The following GRAMD2B variants were observed in gnomAD, a reference collection of about 807,000 sequenced individuals.
GRAMD2B encodes GRAM domain containing 2B.
In GRAMD2B, 41 loss-of-function variants were observed where a neutral mutation model predicts 59.2. That is an observed-to-expected ratio of 0.69 (90% CI 0.54 to 0.90). The LOEUF (loss-of-function observed/expected upper bound fraction) is 0.90, where lower values mean the gene tolerates loss of function less well. Ranked by LOEUF, GRAMD2B falls within the 40% of genes least tolerant of loss-of-function variation. The pLI is 0.00. For synonymous variants in GRAMD2B, 161 were observed against 182.7 expected (o/e 0.88, Z 0.96); for missense variants, 424 against 500.5 (o/e 0.85, Z 1.46).
chr5:126,483,663 G>A, intron 9 of GRAMD2B, 89 bp downstream of exon 9: 11 of 690,112 alleles, frequency 1.6e-5, no homozygotes, highest in South Asian at 1.2e-4. Context: ...GAAAAGAAAA[G>A]AAAGAAAAAA....
At chr5:126,392,972 C>G (rs188511794) in intron 1 of GRAMD2B, among the ~76,000 whole-genome samples, 98 of 152,270 alleles carry the variant, frequency 6.4e-4, no homozygotes, top group African/African-American at 2.3e-3. Flanking sequence ...CAATAAATTT[C>G]TGTTTCATAG....
chr5:126,415,544 G>C (rs1759199191), intron 1 of GRAMD2B, among the ~76,000 whole-genome samples: 1 of 152,142 alleles, frequency 6.6e-6, no homozygotes, highest in Non-Finnish European at 1.5e-5. Flanking sequence ...GGGAAAGAGG[G>C]AGGGCTACAC....
At chr5:126,483,704 G>C in intron 9 of GRAMD2B, 130 bp downstream of exon 9, 1 of 595,174 alleles carries the variant, frequency 1.7e-6, no homozygotes. Flanking sequence ...TAAAAATCAG[G>C]AATGGAATCT....
chr5:126,467,223 C>T (rs927045739), intron 2 of GRAMD2B, among the ~76,000 whole-genome samples: 2 of 151,906 alleles, frequency 1.3e-5, no homozygotes, highest in African/African-American at 2.4e-5. Flanking sequence ...TGCAGTAAGC[C>T]GAGATTGTGC....
At chr5:126,447,693 G>A (rs1764570226) in intron 1 of GRAMD2B, among the ~76,000 whole-genome samples, 1 of 146,454 alleles carries the variant, frequency 6.8e-6, no homozygotes, top group Admixed American at 6.8e-5. Flanking sequence ...AAAAGAAAGA[G>A]ATCAGAAAGC....
At chr5:126,422,989 C>T (rs1011967468), upstream of GRAMD2B, among the ~76,000 whole-genome samples, 2 of 146,838 alleles carry the variant, frequency 1.4e-5, no homozygotes, top group Non-Finnish European at 1.5e-5. Context: ...CTTTGTTATT[C>T]CCACATAAAA....
chr5:126,389,094 GA>G (rs531747959), intron 1 of GRAMD2B, among the ~76,000 whole-genome samples: 242 of 152,240 alleles, frequency 1.6e-3, no homozygotes, highest in African/African-American at 5.6e-3. Context: ...TAGTAGTTAA[GA>G]GCCCCAACTT....
At chr5:126,406,836 G>A (rs934109527) in intron 1 of GRAMD2B, among the ~76,000 whole-genome samples, 2 of 151,960 alleles carry the variant, frequency 1.3e-5, no homozygotes, top group Non-Finnish European at 2.9e-5. Context: ...AAAGCATCTG[G>A]AGAAGTAAGC....
intron 1 of GRAMD2B, among the ~76,000 whole-genome samples, chr5:126,393,682 A>G (rs1757046376): frequency 6.6e-6 from 1 of 152,176 alleles, no homozygotes; most frequent in African/African-American, 2.4e-5. Flanking sequence ...ACCAGCCCCA[A>G]GATAACAATT....
At chr5:126,395,762 CTG>C (rs143281468) in intron 1 of GRAMD2B, among the ~76,000 whole-genome samples, 4 of 151,530 alleles carry the variant, frequency 2.6e-5, no homozygotes, top group Non-Finnish European at 3.0e-5. Context: ...GAGGGAGTGT[CTG>C]TGTGTGTGTG....
At chr5:126,421,891 A>T (rs993870777), upstream of GRAMD2B, among the ~76,000 whole-genome samples, 1 of 152,230 alleles carries the variant, frequency 6.6e-6, no homozygotes, top group African/African-American at 2.4e-5. Flanking sequence ...ACTTTATTTT[A>T]AGAGAAAAAT....
At chr5:126,481,203 A>G (rs868747621) in intron 8 of GRAMD2B, among the ~76,000 whole-genome samples, 36 of 80,106 alleles carry the variant, frequency 4.5e-4, no homozygotes, top group African/African-American at 2.2e-3. Flanking sequence ...AAAAAAAAAA[A>G]AAAGAAAGAA....
At chr5:126,391,483 T>G (rs1580757840) in intron 1 of GRAMD2B, among the ~76,000 whole-genome samples, 1 of 152,062 alleles carries the variant, frequency 6.6e-6, no homozygotes, top group African/African-American at 2.4e-5. Context: ...CAATAACACT[T>G]GTACATGGAT....
chr5:126,477,126 C>T (rs1484693240), intron 5 of GRAMD2B, among the ~76,000 whole-genome samples: 2 of 152,196 alleles, frequency 1.3e-5, no homozygotes, highest in South Asian at 2.1e-4. Context: ...CTCCAATGAG[C>T]ATTTCCTTTG....
At chr5:126,413,649 G>T (rs1759020802) in intron 1 of GRAMD2B, among the ~76,000 whole-genome samples, 1 of 151,992 alleles carries the variant, frequency 6.6e-6, no homozygotes, top group African/African-American at 2.4e-5. Flanking sequence ...GTCCAGAAAT[G>T]TCTTTGTTAG....
chr5:126,437,639 A>C (rs11241892), intron 1 of GRAMD2B, among the ~76,000 whole-genome samples: 102,967 of 152,024 alleles, frequency 0.68, 35,983 homozygotes, highest in African/African-American at 0.86. Flanking sequence ...AAATAAACAG[A>C]ACGGCAGAGA....
At chr5:126,409,435 C>T (rs1296081518) in intron 1 of GRAMD2B, among the ~76,000 whole-genome samples, 1 of 152,102 alleles carries the variant, frequency 6.6e-6, no homozygotes, top group Non-Finnish European at 1.5e-5. Flanking sequence ...TCTCTGATGG[C>T]CAGTGATGGT....
intron 1 of GRAMD2B, among the ~76,000 whole-genome samples, chr5:126,463,787 G>A (rs970610337): frequency 1.2e-4 from 18 of 152,210 alleles, no homozygotes; most frequent in Non-Finnish European, 1.3e-4. Flanking sequence ...GGGAGGCCAA[G>A]GTGGGCAGAT....
chr5:126,414,888 T>G (rs1580854610), intron 1 of GRAMD2B, among the ~76,000 whole-genome samples: 1 of 152,296 alleles, frequency 6.6e-6, no homozygotes, highest in East Asian at 1.9e-4. Context: ...ATGAAAATTT[T>G]TTTAAGGTTT....
Sources: allele counts gnomAD v4.1 joint callset (sites outside exome capture counted in the v4.1 genomes callset), GRCh38; gene constraint gnomAD v4.1.1; transcripts MANE v1.5; gene names NCBI Gene and HGNC (gene_info 2026-07-23, HGNC 2026-07-21).